Variants in NFATC1 observed in about 807,000 individuals in gnomAD.
NFATC1 encodes nuclear factor of activated T-cells, cytoplasmic 1.
A neutral mutation model predicts 76.0 loss-of-function variants in NFATC1; 22 were observed. The ratio of observed to expected loss-of-function variants is 0.29; its 90% CI spans 0.21 to 0.41. NFATC1 has a LOEUF of 0.41. NFATC1 is among the 10% of genes least tolerant of loss of function. The pLI is 1.00. For synonymous variants in NFATC1, 704 were observed against 613.1 expected, an observed-to-expected ratio of 1.15 and a Z score of -2.19; for missense variants, 1,357 against 1,337.7, an observed-to-expected ratio of 1.01 and a Z score of -0.23.
intron 9 of NFATC1, among the ~76,000 whole-genome samples, chr18:79,526,309 G>A (rs1279327658): frequency 5.3e-5 from 8 of 152,268 alleles, no homozygotes; most frequent in Middle Eastern, 3.2e-3. Context: ...CACTGGGGGC[G>A]GAGCCCTCTG....
At chr18:79,490,993 G>A (rs371632746) in intron 9 of NFATC1, among the ~76,000 whole-genome samples, 4 of 152,088 alleles carry the variant, frequency 2.6e-5, no homozygotes, top group East Asian at 1.9e-4. Context: ...ATGGAAATGC[G>A]GGGGTGTACC....
chr18:79,426,082 C>T (rs559340044), intron 2 of NFATC1, among the ~76,000 whole-genome samples: 1 of 152,064 alleles, frequency 6.6e-6, no homozygotes, highest in African/African-American at 2.4e-5. Context: ...TGTGGTGGTG[C>T]GCCTGTGGTC....
In NFATC1 at chr18:79,461,412, T is replaced by C. The variant is rs11662893; in HGVS notation, c.1959+46T>C. Reference sequence around the variant, plus strand: ...TGGAGCTACTGTGGGTCCCCAGGGCTTGGGAGGCTGGGGTCTGCTGGAGCC... The same window carrying C: ...TGGAGCTACTGTGGGTCCCCAGGGCCTGGGAGGCTGGGGTCTGCTGGAGCC... On this transcript the variant is annotated intron_variant, in intron 7 of 9. Coordinates refer to ENST00000427363, the MANE Select transcript of NFATC1 (RefSeq NM_001278669.2). The C allele has an allele frequency of 1.3e-5, 17 of 1,266,316 alleles. No homozygotes were observed. The East Asian group carries it at 5.6e-4, about 41-fold the overall frequency. The allele number at this position is 1,266,316 out of a possible 1,614,324, so 78.4% of individuals were successfully genotyped here.
chr18:79,402,537 G>A (rs1226982979), intron 1 of NFATC1, among the ~76,000 whole-genome samples: 1 of 152,228 alleles, frequency 6.6e-6, no homozygotes, highest in Non-Finnish European at 1.5e-5. Context: ...TGGGCTGCTG[G>A]CTCTCCAGGC....
chr18:79,457,006 A>G (rs773040910), intron 6 of NFATC1, among the ~76,000 whole-genome samples: 3 of 152,222 alleles, frequency 2.0e-5, no homozygotes, highest in Non-Finnish European at 4.4e-5. Context: ...CCAACAGTTT[A>G]AAGGCCAAAT....
intron 8 of NFATC1, among the ~76,000 whole-genome samples, chr18:79,482,364 C>A (rs2089310403): frequency 7.4e-6 from 1 of 134,624 alleles, no homozygotes; most frequent in Non-Finnish European, 1.6e-5. Context: ...GGTGTCATTC[C>A]AGTGTGACGT....
At chr18:79,438,001 C>T (rs2086842128) in intron 3 of NFATC1, among the ~76,000 whole-genome samples, 1 of 152,236 alleles carries the variant, frequency 6.6e-6, no homozygotes, top group African/African-American at 2.4e-5. Context: ...GAGGCCTTTT[C>T]GTGCAACTCA....
At chr18:79,405,381 C>G (rs997995150) in intron 1 of NFATC1, among the ~76,000 whole-genome samples, 1 of 152,224 alleles carries the variant, frequency 6.6e-6, no homozygotes, top group Admixed American at 6.5e-5. Context: ...TGGTGTCTGA[C>G]GTGACATGAA....
chr18:79,505,634 G>A (rs2090102653), intron 9 of NFATC1, among the ~76,000 whole-genome samples: 1 of 145,776 alleles, frequency 6.9e-6, no homozygotes, highest in South Asian at 2.3e-4. Flanking sequence ...CTGCGTGGGA[G>A]GAGGTGGTGG....
At chr18:79,446,397 C>A (rs1196471102) in intron 3 of NFATC1, among the ~76,000 whole-genome samples, 1 of 152,144 alleles carries the variant, frequency 6.6e-6, no homozygotes, top group Non-Finnish European at 1.5e-5. Flanking sequence ...CCTCCCCCAC[C>A]CCCCGAGGTG....
chr18:79,493,150 C>T (rs2089739598), intron 9 of NFATC1, among the ~76,000 whole-genome samples: 1 of 152,346 alleles, frequency 6.6e-6, no homozygotes, highest in Admixed American at 6.5e-5. Flanking sequence ...TGCCACAGAG[C>T]TCCGTGTGGC....
In NFATC1 at chr18:79,411,171, C is replaced by T. The variant is rs201850664; in HGVS notation, c.896C>T (p.Ser299Leu). ...CCGCGGGTCAGCGTGACCGACGACT[C>T]GTGGTTGGGCAACACCACCCAGTAC... ...GSPRVSVTDDSWLGNTTQYTS... is the reference protein window; with the variant it reads ...GSPRVSVTDDLWLGNTTQYTS... Residue 299 changes from serine (S) to leucine (L), a missense_variant, in exon 2 of 10, where the codon TCG becomes TTG. Ser to Leu is a moderately radical substitution (Grantham distance 145). This residue lies in a region of NFATC1 where 691 missense variants were observed against 613.1 expected (regional missense o/e 1.13). Coordinates refer to ENST00000427363, the MANE Select transcript of NFATC1 (RefSeq NM_001278669.2). The T allele has an allele frequency of 1.5e-4, 235 of 1,612,092 alleles. 1 individual carries two copies. In the East Asian group the frequency reaches 4.7e-3, roughly 32 times the overall value.
At chr18:79,527,443 C>A in intron 9 of NFATC1, 85 bp from the exon 10 acceptor site, 1 of 1,107,702 alleles carries the variant, frequency 9.0e-7, no homozygotes, top group Non-Finnish European at 1.4e-6. Context: ...GCGTGAGCGT[C>A]ACTGATGGAG....
At position 79,396,218 on chromosome 18, in the gene NFATC1, C is replaced by A; in HGVS notation, c.-7C>A. On this transcript the variant is annotated 5_prime_UTR_variant, in exon 1 of 10. Transcript: ENST00000427363. ...CCGCCGCTCCACTCCCCGCCGCCGCCGCGCGGATGCCAAGCACCAGCTTTC... is the reference window on the plus strand; with the variant it reads ...CCGCCGCTCCACTCCCCGCCGCCGCAGCGCGGATGCCAAGCACCAGCTTTC... The A allele has an allele frequency of 1.3e-6, 2 of 1,484,076 alleles. No homozygotes were observed. Among genetic ancestry groups the A allele is most frequent in the South Asian group, 1.2e-5 (1 of 80,260 alleles). 91.9% of individuals were successfully genotyped at this position (1,484,076 alleles called of 1,614,324 possible).
intron 2 of NFATC1, chr18:79,422,660 C>G (rs2086138919): frequency 6.6e-6 from 1 of 152,228 alleles, no homozygotes; most frequent in Admixed American, 6.5e-5. Flanking sequence ...TTCCCACTGC[C>G]CAGGGGCACT....
In NFATC1 at chr18:79,486,183, CA is replaced by C; in HGVS notation, c.2093-63del. On this transcript the variant is annotated intron_variant, in intron 8 of 9. Coordinates refer to ENST00000427363, the MANE Select transcript of NFATC1 (RefSeq NM_001278669.2). Reference sequence around the variant, plus strand: ...GGTTTTGCGGAGGGTGCCCCAGCCACAAGCCTGCCTGATCACACTCATTCGC... The same window carrying C: ...GGTTTTGCGGAGGGTGCCCCAGCCACAGCCTGCCTGATCACACTCATTCGC... 2.7e-6 allele frequency: 4 copies of C among 1,486,274 alleles called. No homozygotes were observed. The South Asian group carries it at 3.9e-5, about 14-fold the overall frequency. 92.1% of individuals were successfully genotyped at this position (1,486,274 alleles called of 1,614,324 possible).
At chr18:79,466,451 G>C (rs1272488751) in intron 7 of NFATC1, among the ~76,000 whole-genome samples, 1 of 152,174 alleles carries the variant, frequency 6.6e-6, no homozygotes, top group Admixed American at 6.5e-5. Context: ...TCAGGGGCCC[G>C]AGTAACGCTG....
chr18:79,465,371 C>T lies in NFATC1; in HGVS notation c.1960-2079C>T, dbSNP rs143839299. The stretch of plus-strand genomic sequence containing the variant: ...CTGGCATGCACCGTCCAGCATGCCC[C>T]ACAGGGTCCCACCTCCACCCATCCA... On this transcript the variant is annotated intron_variant, in intron 7 of 9. Transcript: ENST00000427363. The surrounding 1 kb of genome is among the most constrained non-coding windows in gnomAD (Gnocchi z 4.2). Among the ~76,000 whole-genome samples the T allele has an allele frequency of 8.5e-5, 13 of 152,330 alleles. No homozygotes were observed. Among genetic ancestry groups the T allele is most frequent in the African/African-American group, 3.1e-4 (13 of 41,572 alleles).
At chr18:79,477,350 G>A (rs993630573) in intron 8 of NFATC1, among the ~76,000 whole-genome samples, 6 of 152,222 alleles carry the variant, frequency 3.9e-5, no homozygotes, top group African/African-American at 1.4e-4. Context: ...CTGAACACAA[G>A]GTTGCATAAA....
Sources: allele counts gnomAD v4.1 joint callset (sites outside exome capture counted in the v4.1 genomes callset), GRCh38; gene constraint gnomAD v4.1.1; regional missense constraint gnomAD v4.1.1; non-coding constraint Gnocchi (gnomAD v3.1); transcripts MANE v1.5; gene names NCBI Gene and HGNC (gene_info 2026-07-23, HGNC 2026-07-21).